VRK1: variants seen among roughly 807,000 people sequenced by gnomAD.
VRK1 encodes VRK serine/threonine kinase 1.
VRK1 carries 33 observed loss-of-function variants against 57.1 expected under a neutral mutation model. The observed-to-expected ratio is 0.58, with a 90% CI of 0.44 to 0.77. The LOEUF is 0.77. Among genes scored for constraint, VRK1 ranks in the 30% least tolerant of loss-of-function variants. The pLI is 0.00. For synonymous variants in VRK1, 137 were observed against 147.8 expected (o/e 0.93, Z 0.53); for missense variants, 413 against 477.3 (o/e 0.87, Z 1.25).
At chr14:96,821,849 A>T (rs977437099) in intron 1 of VRK1, among the ~76,000 whole-genome samples, 6 of 152,170 alleles carry the variant, frequency 3.9e-5, no homozygotes, top group Non-Finnish European at 8.8e-5. Flanking sequence ...CAGCTGCACC[A>T]GTCCCCTTGC....
intron 1 of VRK1, among the ~76,000 whole-genome samples, chr14:96,797,730 C>G (rs1885492131): frequency 1.3e-5 from 2 of 152,338 alleles, no homozygotes; most frequent in African/African-American, 4.8e-5. Context: ...GCTCCACGTT[C>G]TGGACGCGCG....
At chr14:96,860,793 A>G in intron 11 of VRK1, 58 bp downstream of exon 11, 1 of 1,577,334 alleles carries the variant, frequency 6.3e-7, no homozygotes, top group Non-Finnish European at 8.7e-7. Flanking sequence ...TGCAATAAAT[A>G]CTAAAAGAAA....
At chr14:96,808,017 C>CTGTGTGTGTGTGTGTGTG (rs3049309) in intron 1 of VRK1, among the ~76,000 whole-genome samples, 2 of 127,246 alleles carry the variant, frequency 1.6e-5, no homozygotes, top group Non-Finnish European at 3.3e-5. Context: ...CTCTCTCCCT[C>CTGTGTGTGTGTGTGTGTG]TGTGTGTGTG....
At chr14:96,870,788 A>G (rs769391172) in intron 11 of VRK1, among the ~76,000 whole-genome samples, 2 of 152,192 alleles carry the variant, frequency 1.3e-5, no homozygotes, top group Non-Finnish European at 2.9e-5. Flanking sequence ...ATCAAGGGTT[A>G]GCTTGTTTCA....
chr14:96,798,277 T>G (rs1386722796), intron 1 of VRK1, among the ~76,000 whole-genome samples: 1 of 152,204 alleles, frequency 6.6e-6, no homozygotes, highest in Non-Finnish European at 1.5e-5. Context: ...GCATAGTTTT[T>G]CCTACCACCG....
At chr14:96,820,132 C>T (rs533629826) in intron 1 of VRK1, among the ~76,000 whole-genome samples, 29 of 125,960 alleles carry the variant, frequency 2.3e-4, no homozygotes, top group African/African-American at 8.0e-4. Flanking sequence ...TTGTTGTTGC[C>T]GATTGTTGTA....
intron 11 of VRK1, 93 bp downstream of exon 11, chr14:96,860,828 C>G: frequency 7.2e-7 from 1 of 1,382,476 alleles, no homozygotes; most frequent in Non-Finnish European, 1.0e-6. Flanking sequence ...CAATGAAGAA[C>G]AATAACAGAT....
chr14:96,839,628 G>A (rs910547094), intron 3 of VRK1, among the ~76,000 whole-genome samples: 1 of 151,956 alleles, frequency 6.6e-6, no homozygotes, highest in Non-Finnish European at 1.5e-5. Flanking sequence ...TGTGCTTATT[G>A]GCCATTCATG....
intron 1 of VRK1, among the ~76,000 whole-genome samples, chr14:96,800,102 T>C (rs1885599902): frequency 6.6e-6 from 1 of 152,166 alleles, no homozygotes; most frequent in Non-Finnish European, 1.5e-5. Flanking sequence ...AGAACCCTAA[T>C]AAAACATTTA....
At chr14:96,818,343 C>T (rs1212967764) in intron 1 of VRK1, among the ~76,000 whole-genome samples, 3 of 152,128 alleles carry the variant, frequency 2.0e-5, no homozygotes, top group Admixed American at 6.5e-5. Context: ...TATAACCTAA[C>T]GTTGATCACT....
intron 8 of VRK1, among the ~76,000 whole-genome samples, chr14:96,855,763 C>T (rs1408707011): frequency 6.6e-6 from 1 of 152,164 alleles, no homozygotes; most frequent in South Asian, 2.1e-4. Flanking sequence ...CTTCTGTGCT[C>T]AAAGCTGTGG....
At chr14:96,820,205 CAAGAT>C (rs1487912519) in intron 1 of VRK1, among the ~76,000 whole-genome samples, 3 of 152,040 alleles carry the variant, frequency 2.0e-5, no homozygotes, top group Admixed American at 6.6e-5. Context: ...TAGAATAAGA[CAAGAT>C]GACACTTGAA....
chr14:96,846,972 A>G (rs945604430), intron 4 of VRK1, among the ~76,000 whole-genome samples: 1 of 152,090 alleles, frequency 6.6e-6, no homozygotes, highest in African/African-American at 2.4e-5. Flanking sequence ...CCCTAGAACA[A>G]AGGAATGACT....
intron 3 of VRK1, among the ~76,000 whole-genome samples, chr14:96,841,306 A>G (rs1469251926): frequency 6.6e-6 from 1 of 152,168 alleles, no homozygotes; most frequent in East Asian, 1.9e-4. Flanking sequence ...TTTAACTTAT[A>G]TAGTTAAGAA....
intron 5 of VRK1, among the ~76,000 whole-genome samples, chr14:96,850,345 T>C (rs1359962962): frequency 6.6e-6 from 1 of 152,228 alleles, no homozygotes; most frequent in East Asian, 1.9e-4. Flanking sequence ...TTTACACTGA[T>C]TTATATTTTT....
intron 1 of VRK1, among the ~76,000 whole-genome samples, chr14:96,801,773 A>C (rs956523636): frequency 2.6e-5 from 4 of 152,200 alleles, no homozygotes; most frequent in Non-Finnish European, 5.9e-5. Context: ...AGAAAACCCT[A>C]AGAAAGAGCA....
At chr14:96,851,436 C>T (rs575977121) in intron 5 of VRK1, among the ~76,000 whole-genome samples, 204 of 152,222 alleles carry the variant, frequency 1.3e-3, no homozygotes, top group African/African-American at 4.6e-3. Flanking sequence ...CTACCAGGCC[C>T]GGCCACCACT....
chr14:96,853,649 A>T (rs563081650), intron 7 of VRK1, among the ~76,000 whole-genome samples: 13 of 148,804 alleles, frequency 8.7e-5, no homozygotes, highest in Non-Finnish European at 1.6e-4. Flanking sequence ...TCAAATGTGC[A>T]TTTTTTTTTT....
chr14:96,804,684 A>G (rs986548166), intron 1 of VRK1, among the ~76,000 whole-genome samples: 10 of 152,234 alleles, frequency 6.6e-5, no homozygotes, highest in African/African-American at 2.4e-4. Context: ...ATGGTATTAA[A>G]GAGAAGTTGT....
Sources: allele counts gnomAD v4.1 joint callset (sites outside exome capture counted in the v4.1 genomes callset), GRCh38; gene constraint gnomAD v4.1.1; transcripts MANE v1.5; gene names NCBI Gene and HGNC (gene_info 2026-07-23, HGNC 2026-07-21).